Variants in TRMT9B observed in about 807,000 individuals in gnomAD.
TRMT9B encodes probable tRNA methyltransferase 9B.
Under a neutral mutation model 11.5 loss-of-function variants are expected in TRMT9B, and 16 were observed. The ratio of observed to expected loss-of-function variants is 1.39; its 90% confidence interval spans 0.94 to 2.11. The LOEUF (loss-of-function observed/expected upper bound fraction) is 2.11. TRMT9B is among the 30% of genes most tolerant of loss of function. TRMT9B has a pLI of 0.00. For missense variants in TRMT9B, 941 were observed against 553.8 expected (o/e 1.70, Z -7.02); for synonymous variants, 274 against 192.4 (o/e 1.42, Z -3.51).
At chr8:12,962,094 C>T (rs962939527) in intron 1 of TRMT9B, 4 of 152,298 alleles carry the variant, frequency 2.6e-5, no homozygotes, top group African/African-American at 9.6e-5. Flanking sequence ...ATGTTTTGTC[C>T]TACAGACATG....
intron 1 of TRMT9B, among the ~76,000 whole-genome samples, chr8:12,969,720 A>T (rs1216373828): frequency 6.6e-6 from 1 of 151,472 alleles, no homozygotes; most frequent in Non-Finnish European, 1.5e-5. Context: ...GCTGGAGTGT[A>T]GAGTGCACTG....
intron 3 of TRMT9B, chr8:13,010,560 A>T (rs1811400403): frequency 1.0e-6 from 1 of 985,268 alleles, no homozygotes; most frequent in Non-Finnish European, 1.2e-6. Flanking sequence ...TTAGAAATGA[A>T]TAGGGGCAAA....
rs1308327206 is a variant in TRMT9B, at chr8:12,977,107, C to G, written c.-199-13727C>G. ...AATTCAAATGCAGATTAAATGTCTA[C>G]TCTATTGAATCCCTCTCCAGTTGCT... On this transcript the variant is annotated intron_variant, in intron 1 of 4. Transcript: ENST00000524591. Among the ~76,000 whole-genome samples the G allele has an allele frequency of 2.6e-5, 4 of 152,312 alleles. No homozygotes were observed. In the East Asian group the frequency reaches 5.8e-4, roughly 22 times the overall value.
intron 3 of TRMT9B, chr8:13,011,068 T>G: frequency 2.3e-6 from 1 of 430,750 alleles, no homozygotes; most frequent in Non-Finnish European, 3.1e-6. Flanking sequence ...CACTGCAACC[T>G]CCACCTCCTG....
At position 13,016,295 on chromosome 8, in the gene TRMT9B, A is replaced by T. The variant is rs150587983; in HGVS notation, c.328+3438A>T. ...TATATATAAATATATTTGTGTGTTT[A>T]TATAACTAGATGAGGCATAAGAGAG... On this transcript the variant is annotated intron_variant, in intron 4 of 4. Transcript: ENST00000524591. Among the ~76,000 whole-genome samples, 1,019 of 143,584 alleles carry T rather than the reference A, an allele frequency of 7.1e-3. 13 individuals are homozygous for T. Among genetic ancestry groups the T allele is most frequent in the African/African-American group, 0.026 (993 of 37,824 alleles). The allele number at this position is 143,584 out of a possible 152,430, so 94.2% of individuals were successfully genotyped here.
At chr8:13,014,004 G>T (rs545650725) in intron 4 of TRMT9B, among the ~76,000 whole-genome samples, 1 of 152,234 alleles carries the variant, frequency 6.6e-6, no homozygotes, top group South Asian at 2.1e-4. Context: ...CAAGAAAGAT[G>T]ATCTTTTATA....
chr8:12,991,732 A>G (rs569156519), intron 2 of TRMT9B, among the ~76,000 whole-genome samples: 1 of 152,252 alleles, frequency 6.6e-6, no homozygotes, highest in South Asian at 2.1e-4. Flanking sequence ...CCGGAGTTCA[A>G]GACCAGCCTG....
intron 2 of TRMT9B, among the ~76,000 whole-genome samples, chr8:13,001,801 G>C (rs1369809600): frequency 6.6e-6 from 1 of 152,148 alleles, no homozygotes; most frequent in Non-Finnish European, 1.5e-5. Context: ...TTTAAGTACT[G>C]ACTTTTTATG....
Position 13,006,188 on chromosome 8 carries a change from C to T in TRMT9B, c.-1-14C>T, listed in dbSNP as rs993440087. 1.9e-6 allele frequency: 3 copies of T among 1,613,336 alleles called. No homozygotes were observed. The highest frequency in any genetic ancestry group is 1.3e-5 in the African/African-American group (1 of 75,032). ...GCTGACCTGCATGCCTTGGGTTGGT[C>T]CTGTTTTCTCCAGGATGGATCATGA... On this transcript the variant is annotated splice_polypyrimidine_tract_variant and intron_variant, in intron 2 of 4. Transcript: ENST00000524591.
At chr8:12,952,246 A>G in intron 1 of TRMT9B, 2 of 435,642 alleles carry the variant, frequency 4.6e-6, no homozygotes, top group Non-Finnish European at 9.3e-6. Flanking sequence ...AGCGGAGAGA[A>G]GCTTCTGTTG....
intron 1 of TRMT9B, among the ~76,000 whole-genome samples, chr8:12,966,307 C>G (rs1802817666): frequency 6.6e-6 from 1 of 152,152 alleles, no homozygotes; most frequent in Non-Finnish European, 1.5e-5. Context: ...AAGAAATACT[C>G]CAAACAGATA....
chr8:13,010,307 A>G, intron 3 of TRMT9B: 3 of 948,364 alleles, frequency 3.2e-6, no homozygotes, highest in Non-Finnish European at 2.5e-6. Context: ...TGCAAAATGA[A>G]AGATGCATTT....
At chr8:12,996,059 A>C (rs1015414872) in intron 2 of TRMT9B, among the ~76,000 whole-genome samples, 27 of 152,190 alleles carry the variant, frequency 1.8e-4, no homozygotes, top group African/African-American at 6.0e-4. Context: ...CAGCAATAGC[A>C]ACCACCTGCT....
intron 1 of TRMT9B, chr8:12,960,374 G>A (rs1384297745): frequency 3.3e-5 from 5 of 152,178 alleles, no homozygotes; most frequent in Non-Finnish European, 5.9e-5. Flanking sequence ...GGAGCTTTCA[G>A]AAAAATGGAG....
intron 2 of TRMT9B, among the ~76,000 whole-genome samples, chr8:12,994,658 A>T (rs1280235514): frequency 6.6e-6 from 1 of 152,208 alleles, no homozygotes; most frequent in Admixed American, 6.5e-5. Flanking sequence ...TGCAAGTGCA[A>T]TTTAAACGAC....
chr8:12,998,473 A>C (rs950035767), intron 2 of TRMT9B, among the ~76,000 whole-genome samples: 1 of 152,228 alleles, frequency 6.6e-6, no homozygotes, highest in Non-Finnish European at 1.5e-5. Flanking sequence ...AGTGTGGTAC[A>C]GAAAGAAACT....
chr8:12,982,395 C>T lies in TRMT9B; in HGVS notation c.-199-8439C>T, dbSNP rs1433778114. The stretch of plus-strand genomic sequence containing the variant: ...ACATAATCAGGGTCAGACACGGTGG[C>T]TTATGCCTGTAATCCCAGCAGTTTG... On this transcript the variant is annotated intron_variant, in intron 1 of 4. Transcript: ENST00000524591. Among the ~76,000 whole-genome samples the T allele has an allele frequency of 2.6e-5, 4 of 152,322 alleles. No individual in the cohort carries two copies. In the East Asian group the frequency reaches 7.7e-4, roughly 29 times the overall value.
At chr8:12,970,411 T>G (rs1388564939) in intron 1 of TRMT9B, among the ~76,000 whole-genome samples, 1 of 152,214 alleles carries the variant, frequency 6.6e-6, no homozygotes, top group East Asian at 1.9e-4. Context: ...GAGAGCACAT[T>G]GTGGCAGGTG....
At chr8:12,994,714 T>C (rs1279032188) in intron 2 of TRMT9B, among the ~76,000 whole-genome samples, 2 of 152,160 alleles carry the variant, frequency 1.3e-5, no homozygotes, top group Admixed American at 1.3e-4. Flanking sequence ...GGAGTTTCGC[T>C]CCTGTTGCCC....
Sources: allele counts gnomAD v4.1 joint callset (sites outside exome capture counted in the v4.1 genomes callset), GRCh38; gene constraint gnomAD v4.1.1; transcripts MANE v1.5; gene names NCBI Gene and HGNC (gene_info 2026-07-23, HGNC 2026-07-21).